The following GPC5 variants were observed in gnomAD, a reference collection of about 807,000 sequenced individuals.
GPC5 encodes glypican-5.
A neutral mutation model predicts 53.9 loss-of-function variants in GPC5; 47 were observed. That is an observed-to-expected ratio of 0.87 (90% CI 0.69 to 1.11). The LOEUF (loss-of-function observed/expected upper bound fraction) is 1.11, where lower values mean the gene tolerates loss of function less well. Ranked by LOEUF, GPC5 falls within the 50% of genes most tolerant of loss-of-function variation. GPC5 has a pLI of 0.00. For missense variants in GPC5, 748 were observed against 713.1 expected, an observed-to-expected ratio of 1.05 and a Z score of -0.56; for synonymous variants, 286 against 263.3, an observed-to-expected ratio of 1.09 and a Z score of -0.84.
rs182430120 is a variant in GPC5, at chr13:92,469,116, G to A, written c.1561+324127G>A. ...GTCAAGATACATGTATAGAATAAAT[G>A]AGTGAGCAGTTGTTACTAATTTTGT... is the stretch of plus-strand genomic sequence containing the variant. On this transcript the variant is annotated intron_variant, in intron 7 of 7. Coordinates refer to ENST00000377067, the MANE Select transcript of GPC5 (RefSeq NM_004466.6). Among the ~76,000 whole-genome samples the A allele has an allele frequency of 3.9e-5, 6 of 152,260 alleles. No individual in the cohort carries two copies. In the East Asian group the frequency reaches 1.2e-3, roughly 29 times the overall value.
At chr13:91,473,345 T>C (rs1170647269) in intron 2 of GPC5, among the ~76,000 whole-genome samples, 1 of 152,050 alleles carries the variant, frequency 6.6e-6, no homozygotes, top group African/African-American at 2.4e-5. Context: ...AGCTAATGAA[T>C]AATTACAGTA....
intron 2 of GPC5, among the ~76,000 whole-genome samples, chr13:91,477,075 A>G (rs1250776988): frequency 1.3e-5 from 2 of 152,226 alleles, no homozygotes; most frequent in African/African-American, 4.8e-5. Flanking sequence ...AATTATGTGA[A>G]AGGATATATA....
At chr13:92,197,148 C>T (rs1169557159) in intron 7 of GPC5, among the ~76,000 whole-genome samples, 1 of 152,082 alleles carries the variant, frequency 6.6e-6, no homozygotes, top group Non-Finnish European at 1.5e-5. Flanking sequence ...ATTCCTAATA[C>T]CCTTTGGAAG....
intron 7 of GPC5, among the ~76,000 whole-genome samples, chr13:92,362,360 A>G (rs1014509647): frequency 2.0e-5 from 3 of 151,858 alleles, no homozygotes; most frequent in Admixed American, 6.5e-5. Flanking sequence ...TTATGGAAAC[A>G]TTATAAGTGA....
At chr13:91,771,044 A>G (rs1428385973) in intron 5 of GPC5, among the ~76,000 whole-genome samples, 1 of 152,220 alleles carries the variant, frequency 6.6e-6, no homozygotes, top group African/African-American at 2.4e-5. Context: ...ACATAACCAC[A>G]CTGAGAATAA....
intron 5 of GPC5, among the ~76,000 whole-genome samples, chr13:91,876,807 C>T (rs766057690): frequency 1.2e-4 from 18 of 152,160 alleles, no homozygotes; most frequent in African/African-American, 3.9e-4. Flanking sequence ...GAATATGTCT[C>T]CAGGCCATGT....
chr13:92,636,314 A>G (rs1260575969), intron 7 of GPC5, among the ~76,000 whole-genome samples: 2 of 151,454 alleles, frequency 1.3e-5, no homozygotes, highest in African/African-American at 2.4e-5. Flanking sequence ...GTGAAGAGGT[A>G]TCACCGTAAA....
At chr13:92,072,250 T>G (rs1306840814) in intron 6 of GPC5, among the ~76,000 whole-genome samples, 1 of 150,262 alleles carries the variant, frequency 6.7e-6, no homozygotes, top group Non-Finnish European at 1.5e-5. Flanking sequence ...GCTAATTTTC[T>G]GCTAATTTTA....
Position 92,580,045 on chromosome 13 carries a change from A to G in GPC5, c.1562-286237A>G, listed in dbSNP as rs533529044. ...GGTGAAAGAGACCTCTGTCGCTTTC[A>G]TTACTCACTTAGGATAACTTTGTAC... is the stretch of plus-strand genomic sequence containing the variant. On this transcript the variant is annotated intron_variant, in intron 7 of 7. Transcript: ENST00000377067. 7.2e-5 allele frequency among the ~76,000 whole-genome samples: 11 copies of G among 152,336 alleles called. No homozygotes were observed. In the East Asian group the frequency reaches 2.1e-3, roughly 29 times the overall value.
At chr13:92,539,888 G>T (rs1484758330) in intron 7 of GPC5, among the ~76,000 whole-genome samples, 1 of 151,798 alleles carries the variant, frequency 6.6e-6, no homozygotes, top group Admixed American at 6.6e-5. Flanking sequence ...TAATTCATTG[G>T]CTTAAATCCA....
chr13:92,651,655 A>G (rs1248378774), intron 7 of GPC5, among the ~76,000 whole-genome samples: 1 of 152,180 alleles, frequency 6.6e-6, no homozygotes, highest in Non-Finnish European at 1.5e-5. Flanking sequence ...TGTGGGCTTC[A>G]GTTAATAATA....
intron 7 of GPC5, among the ~76,000 whole-genome samples, chr13:92,593,817 G>A (rs1187089609): frequency 3.3e-5 from 5 of 152,266 alleles, no homozygotes; most frequent in South Asian, 2.1e-4. Flanking sequence ...CAAGTAAGAC[G>A]TAACCTTGAC....
chr13:91,685,907 C>T (rs2035611841), intron 2 of GPC5, among the ~76,000 whole-genome samples: 2 of 149,928 alleles, frequency 1.3e-5, no homozygotes, highest in East Asian at 2.0e-4. Flanking sequence ...AAAGAAGAAC[C>T]ATGTTTTTGT....
intron 6 of GPC5, among the ~76,000 whole-genome samples, chr13:92,044,262 A>G (rs2040964200): frequency 6.6e-6 from 1 of 152,188 alleles, no homozygotes; most frequent in African/African-American, 2.4e-5. Flanking sequence ...ACTATTCTTC[A>G]TAAGAATACA....
chr13:92,528,671 A>C (rs1881447573), intron 7 of GPC5, among the ~76,000 whole-genome samples: 2 of 152,092 alleles, frequency 1.3e-5, no homozygotes, highest in Admixed American at 1.3e-4. Flanking sequence ...AAGGAAAGGA[A>C]CTTTTGGACT....
chr13:92,243,372 C>A (rs2042627647), intron 7 of GPC5, among the ~76,000 whole-genome samples: 1 of 152,022 alleles, frequency 6.6e-6, no homozygotes, highest in Admixed American at 6.6e-5. Context: ...AGAAAATTTT[C>A]TGTTTTCAAG....
At chr13:92,195,212 C>A (rs112357834) in intron 7 of GPC5, among the ~76,000 whole-genome samples, 107 of 152,046 alleles carry the variant, frequency 7.0e-4, no homozygotes, top group Middle Eastern at 3.4e-3. Flanking sequence ...TAGAGACAGC[C>A]AAAAAACGGT....
intron 6 of GPC5, among the ~76,000 whole-genome samples, chr13:92,115,332 G>A (rs937388779): frequency 2.0e-4 from 30 of 152,134 alleles, no homozygotes; most frequent in Admixed American, 1.3e-3. Flanking sequence ...CATGGAGAAA[G>A]CGCATCTCTA....
intron 7 of GPC5, among the ~76,000 whole-genome samples, chr13:92,597,067 A>G (rs1883904780): frequency 1.3e-5 from 2 of 152,052 alleles, no homozygotes; most frequent in African/African-American, 4.8e-5. Context: ...AACACTATTT[A>G]TTTTTTAATT....
Sources: allele counts gnomAD v4.1 joint callset (sites outside exome capture counted in the v4.1 genomes callset), GRCh38; gene constraint gnomAD v4.1.1; transcripts MANE v1.5; gene names NCBI Gene and HGNC (gene_info 2026-07-23, HGNC 2026-07-21).